SOS1: variants seen among roughly 807,000 people sequenced by gnomAD.
SOS1 encodes the protein son of sevenless homolog 1.
A neutral mutation model predicts 157.6 loss-of-function variants in SOS1; 25 were observed. The ratio of observed to expected loss-of-function variants is 0.16; its 90% CI spans 0.12 to 0.22. The LOEUF is 0.22. Among genes scored for constraint, SOS1 ranks in the 10% least tolerant of loss-of-function variants. The probability of loss-of-function intolerance (pLI) is 1.00; values close to 1 mark genes in which losing one functional copy is unlikely to be tolerated. For synonymous variants in SOS1, 528 were observed against 534.0 expected (o/e 0.99, Z 0.16); for missense variants, 1,237 against 1,599.1 (o/e 0.77, Z 3.86).
chr2:39,013,695 A>G, intron 12 of SOS1, 132 bp from the exon 13 acceptor site: 1 of 905,470 alleles, frequency 1.1e-6, no homozygotes. Flanking sequence ...AACACTTCCA[A>G]AATTCTATGT....
chr2:39,040,543 C>G (rs1038423337), intron 6 of SOS1, among the ~76,000 whole-genome samples: 1 of 152,186 alleles, frequency 6.6e-6, no homozygotes, highest in African/African-American at 2.4e-5. Context: ...ATGAATTTGA[C>G]TACTCCAGTT....
At chr2:39,033,728 G>C (rs1670244737) in intron 8 of SOS1, among the ~76,000 whole-genome samples, 1 of 151,994 alleles carries the variant, frequency 6.6e-6, no homozygotes, top group Non-Finnish European at 1.5e-5. Context: ...GTAGAGACAG[G>C]GTCTTGCCAT....
rs760457239 is a variant in SOS1 at position 39,007,032 on chromosome 2, T to C, written c.2672A>G (p.Glu891Gly). 6.2e-7 allele frequency: 1 copy of C among 1,605,026 alleles called. No individual in the cohort carries two copies. The highest frequency in any genetic ancestry group is 8.5e-7 in the Non-Finnish European group (1 of 1,172,008). The change falls in exon 16 of 23, where the codon GAG (glutamate) becomes GGG (glycine). Residue 891 changes from glutamate to glycine, a missense_variant and splice_region_variant. Coordinates refer to ENST00000402219, the MANE Select transcript of SOS1 (RefSeq NM_005633.4). ...TTAAAAACACATGTAGAAACCTACC[T>C]CAAATGTGTGGTCTAGTCTGTAAAC... ...SPVYRLDHTF[E>G]QIPSRQKKIL... is the part of the protein sequence containing the mutation.
intron 1 of SOS1, among the ~76,000 whole-genome samples, chr2:39,068,391 A>C (rs1231641880): frequency 6.6e-6 from 1 of 152,202 alleles, no homozygotes; most frequent in African/African-American, 2.4e-5. Flanking sequence ...ACCAGTTAGA[A>C]CATTTATTCA....
intron 6 of SOS1, among the ~76,000 whole-genome samples, chr2:39,040,485 T>C (rs1670532614): frequency 6.6e-6 from 1 of 152,200 alleles, no homozygotes; most frequent in African/African-American, 2.4e-5. Flanking sequence ...CAGTAACTGA[T>C]CATTGCCTCT....
chr2:38,987,951 T>C (rs1668603211), intron 21 of SOS1, among the ~76,000 whole-genome samples: 1 of 152,198 alleles, frequency 6.6e-6, no homozygotes, highest in Non-Finnish European at 1.5e-5. Context: ...TTAGATTCTA[T>C]AATGGGTTCA....
intron 2 of SOS1, among the ~76,000 whole-genome samples, chr2:39,061,441 G>A (rs1558494818): frequency 6.6e-6 from 1 of 152,086 alleles, no homozygotes; most frequent in African/African-American, 2.4e-5. Flanking sequence ...GAGCTGGAGT[G>A]CAATGATGCA....
chr2:39,112,951 G>A (rs908604411), intron 1 of SOS1, among the ~76,000 whole-genome samples: 1 of 151,908 alleles, frequency 6.6e-6, no homozygotes, highest in Non-Finnish European at 1.5e-5. Context: ...AGGCAGAGTT[G>A]CTGGAACCTG....
chr2:39,035,138 A>T (rs969565269), intron 8 of SOS1, 74 bp downstream of exon 8: 3 of 945,594 alleles, frequency 3.2e-6, no homozygotes, highest in Non-Finnish European at 5.1e-6. Context: ...TCACACAATA[A>T]TTTACAAATG....
intron 1 of SOS1, among the ~76,000 whole-genome samples, chr2:39,081,264 A>G (rs1258643531): frequency 6.6e-6 from 1 of 152,190 alleles, no homozygotes; most frequent in Non-Finnish European, 1.5e-5. Context: ...TCAGGCCTGT[A>G]ATCCCAGCAC....
In SOS1 at chr2:39,120,533, C is replaced by T; in HGVS notation, c.-111G>A. 2 of 1,111,308 alleles carry T rather than the reference C, an allele frequency of 1.8e-6. No homozygotes were observed. The highest frequency in any genetic ancestry group is 2.2e-6 in the Non-Finnish European group (2 of 911,510). 68.8% of individuals were successfully genotyped at this position (1,111,308 alleles called of 1,614,324 possible). A position where few individuals can be genotyped will look rare whatever the true frequency, so the allele number is the denominator to read the frequency against. On this transcript the variant is annotated 5_prime_UTR_variant, in exon 1 of 23. Transcript: ENST00000402219. ...ACAGGGCCGCGGCCCCACCGGACGGCCCGGCCCCCTCCGGGCGCCGCGCAG... is the reference window on the plus strand; with the variant it reads ...ACAGGGCCGCGGCCCCACCGGACGGTCCGGCCCCCTCCGGGCGCCGCGCAG...
intron 10 of SOS1, among the ~76,000 whole-genome samples, chr2:39,018,038 G>A (rs1025399148): frequency 6.6e-6 from 1 of 151,850 alleles, no homozygotes; most frequent in African/African-American, 2.4e-5. Flanking sequence ...TTATACTGCC[G>A]TTGTTAGTTG....
chr2:39,017,061 AT>A (rs1300504173), intron 10 of SOS1, among the ~76,000 whole-genome samples: 1 of 152,076 alleles, frequency 6.6e-6, no homozygotes, highest in Non-Finnish European at 1.5e-5. Context: ...ATTATGTAAC[AT>A]TCTCAAAGAA....
At chr2:39,034,767 CT>C (rs1558480169) in intron 8 of SOS1, 1 of 455,148 alleles carries the variant, frequency 2.2e-6, no homozygotes, top group South Asian at 1.6e-5. Context: ...GTCAGGTAAA[CT>C]AACCTTCCCC....
At chr2:39,014,911 T>A (rs970877667) in intron 10 of SOS1, 65 bp from the exon 11 acceptor site, 1 of 928,416 alleles carries the variant, frequency 1.1e-6, no homozygotes, top group Non-Finnish European at 1.8e-6. Context: ...AACTGTTATG[T>A]ACATTTTCAA....
chr2:39,091,764 G>A (rs181685562), intron 1 of SOS1, among the ~76,000 whole-genome samples: 106 of 152,078 alleles, frequency 7.0e-4, no homozygotes, highest in African/African-American at 2.3e-3. Context: ...TCTATAATAC[G>A]GCCAGGACTA....
intron 1 of SOS1, among the ~76,000 whole-genome samples, chr2:39,110,039 C>CGTGT (rs779110307): frequency 0.084 from 11,366 of 135,326 alleles, 490 homozygotes; most frequent in South Asian, 0.1. Context: ...TGTGTGTGTG[C>CGTGT]GTGTGTGTGT....
At chr2:39,015,277 A>G (rs1474033702) in intron 10 of SOS1, among the ~76,000 whole-genome samples, 1 of 151,880 alleles carries the variant, frequency 6.6e-6, no homozygotes, top group East Asian at 1.9e-4. Flanking sequence ...TGACTTATCT[A>G]GCTTTCTTTA....
chr2:39,073,950 CTCTT>C (rs1671873039), intron 1 of SOS1, among the ~76,000 whole-genome samples: 1 of 152,134 alleles, frequency 6.6e-6, no homozygotes, highest in African/African-American at 2.4e-5. Flanking sequence ...ATAATCAAAT[CTCTT>C]TCTTAGTGTT....
Sources: allele counts gnomAD v4.1 joint callset (sites outside exome capture counted in the v4.1 genomes callset), GRCh38; gene constraint gnomAD v4.1.1; transcripts MANE v1.5; gene names NCBI Gene and HGNC (gene_info 2026-07-23, HGNC 2026-07-21).